ARK2C: variants seen among roughly 807,000 people sequenced by gnomAD.
ARK2C encodes the protein arkadia (RNF111) C-terminal like ring finger ubiquitin ligase 2C.
At chr18:46,443,319 C>A in the ARK2C span, among the ~76,000 whole-genome samples, 4 of 151,910 alleles carry the variant, frequency 2.6e-5, 1 homozygote, top group Admixed American at 6.6e-5. Flanking sequence ...TTTATTTTAT[C>A]TTATTTTATT....
the ARK2C span, among the ~76,000 whole-genome samples, chr18:46,410,737 C>T: frequency 6.6e-6 from 1 of 152,316 alleles, no homozygotes; most frequent in East Asian, 1.9e-4. Flanking sequence ...ACCCCATGAC[C>T]AGGAGGGCCA....
the ARK2C span, among the ~76,000 whole-genome samples, chr18:46,376,412 AG>A: frequency 1.3e-5 from 2 of 152,228 alleles, no homozygotes; most frequent in Non-Finnish European, 2.9e-5. Flanking sequence ...TGGACTGCCT[AG>A]TTTTGAACTT....
the ARK2C span, among the ~76,000 whole-genome samples, chr18:46,398,489 C>G: frequency 6.6e-6 from 1 of 152,020 alleles, no homozygotes. Flanking sequence ...GAAGCTGACA[C>G]AGGTGAGACA....
At chr18:46,373,765 C>T in the ARK2C span, among the ~76,000 whole-genome samples, 2 of 152,164 alleles carry the variant, frequency 1.3e-5, no homozygotes, top group African/African-American at 2.4e-5. Flanking sequence ...CTGAATCTTA[C>T]ACGTGGGGAA....
At chr18:46,366,016 G>T in the ARK2C span, among the ~76,000 whole-genome samples, 1 of 152,110 alleles carries the variant, frequency 6.6e-6, no homozygotes, top group African/African-American at 2.4e-5. Context: ...CTCTTGGCTG[G>T]GCGCGGTGGC....
chr18:46,406,514 C>T, the ARK2C span, among the ~76,000 whole-genome samples: 1 of 152,218 alleles, frequency 6.6e-6, no homozygotes, highest in Non-Finnish European at 1.5e-5. Context: ...GGGAGAGTTT[C>T]TAGAGTGCCT....
chr18:46,376,845 A>G, the ARK2C span, among the ~76,000 whole-genome samples: 1 of 151,746 alleles, frequency 6.6e-6, no homozygotes, highest in East Asian at 1.9e-4. Flanking sequence ...TAATTTTTGT[A>G]TTTTTAGCAG....
At chr18:46,410,576 A>G in the ARK2C span, among the ~76,000 whole-genome samples, 1 of 152,248 alleles carries the variant, frequency 6.6e-6, no homozygotes, top group African/African-American at 2.4e-5. Context: ...CGTCCCAGGA[A>G]GATGCTGGCA....
the ARK2C span, among the ~76,000 whole-genome samples, chr18:46,343,524 A>T: frequency 6.6e-6 from 1 of 152,214 alleles, no homozygotes; most frequent in Non-Finnish European, 1.5e-5. Flanking sequence ...GGTGGCACTC[A>T]GACAGGCCAT....
the ARK2C span, among the ~76,000 whole-genome samples, chr18:46,370,344 A>G: frequency 4.6e-5 from 7 of 152,324 alleles, no homozygotes; most frequent in South Asian, 2.1e-4. Context: ...TAAGACTAAT[A>G]AGGTGCTAAG....
At chr18:46,350,726 G>T in the ARK2C span, among the ~76,000 whole-genome samples, 1 of 152,162 alleles carries the variant, frequency 6.6e-6, no homozygotes, top group Non-Finnish European at 1.5e-5. Flanking sequence ...CACACTGGGG[G>T]AATGAAAGAG....
At chr18:46,429,752 T>C in the ARK2C span, among the ~76,000 whole-genome samples, 221 of 152,280 alleles carry the variant, frequency 1.5e-3, no homozygotes, top group Non-Finnish European at 2.2e-3. Context: ...CTTCAAATAC[T>C]ATTTTTTAAA....
the ARK2C span, among the ~76,000 whole-genome samples, chr18:46,400,084 C>G: frequency 2.0e-5 from 3 of 152,196 alleles, no homozygotes; most frequent in African/African-American, 7.2e-5. Context: ...CCCCACGGTA[C>G]CTCTTACCCA....
At chr18:46,456,410 C>A in the ARK2C span, 1 of 786,348 alleles carries the variant, frequency 1.3e-6, no homozygotes, top group Non-Finnish European at 2.2e-6. Flanking sequence ...TCAGCCACAG[C>A]CTCCCTCCAT....
the ARK2C span, among the ~76,000 whole-genome samples, chr18:46,358,517 G>A: frequency 6.6e-6 from 1 of 152,186 alleles, no homozygotes; most frequent in African/African-American, 2.4e-5. Context: ...CTCCCCTGAA[G>A]GAAGCTGTGG....
the ARK2C span, among the ~76,000 whole-genome samples, chr18:46,448,606 C>T: frequency 1.3e-5 from 2 of 152,152 alleles, no homozygotes; most frequent in African/African-American, 2.4e-5. Flanking sequence ...GCCTGCCTCG[C>T]CCATCTCACA....
the ARK2C span, among the ~76,000 whole-genome samples, chr18:46,443,315 T>A: frequency 6.6e-6 from 1 of 152,356 alleles, no homozygotes; most frequent in Middle Eastern, 3.4e-3. Flanking sequence ...CCACTTTATT[T>A]TATCTTATTT....
chr18:46,387,921 C>T, the ARK2C span, among the ~76,000 whole-genome samples: 3 of 152,202 alleles, frequency 2.0e-5, no homozygotes, highest in African/African-American at 7.2e-5. Flanking sequence ...CCTAATCAAC[C>T]GTGGCAGCTG....
the ARK2C span, among the ~76,000 whole-genome samples, chr18:46,374,383 A>C: frequency 6.6e-6 from 1 of 152,036 alleles, no homozygotes; most frequent in Non-Finnish European, 1.5e-5. Context: ...ACCTACCCCA[A>C]TGAAAACTCT....
Sources: gnomAD v4.1 joint callset for allele counts (sites outside exome capture counted in the v4.1 genomes callset) on GRCh38, gnomAD v4.1.1 for gene constraint, MANE v1.5 for transcripts, NCBI Gene and HGNC (gene_info 2026-07-23, HGNC 2026-07-21) for gene names.